The following FBXL16 variants were observed in gnomAD, a reference collection of about 807,000 sequenced individuals.
The protein encoded by FBXL16 is F-box/LRR-repeat protein 16.
In FBXL16, 7 loss-of-function variants were observed where a neutral mutation model predicts 36.7. The ratio of observed to expected loss-of-function variants is 0.19; its 90% confidence interval spans 0.11 to 0.36. The LOEUF (loss-of-function observed/expected upper bound fraction) is 0.36, where lower values mean the gene tolerates loss of function less well. Ranked by LOEUF, FBXL16 falls within the 10% of genes least tolerant of loss-of-function variation. The probability of loss-of-function intolerance (pLI) is 1.00; values close to 1 mark genes in which losing one functional copy is unlikely to be tolerated. For missense variants in FBXL16, 463 were observed against 659.4 expected, an observed-to-expected ratio of 0.70 and a Z score of 3.26; for synonymous variants, 355 against 308.7, an observed-to-expected ratio of 1.15 and a Z score of -1.57.
Position 695,552 on chromosome 16 carries a change from G to A in FBXL16, c.1005C>T (p.Asp335=). ...LSLSGCSKVT[D]DGVELVAENL... is the part of the protein sequence containing the mutation. ...TCTCGGCCACGAGCTCCACGCCGTC[G>A]TCGGTGACCTTGGAGCAGCCCGAGA... The change falls in exon 3 of 6, where the codon GAC becomes GAT. Residue 335 remains aspartate, a synonymous_variant. Transcript: ENST00000397621. The A allele has an allele frequency of 1.2e-6, 2 of 1,603,260 alleles. No individual in the cohort carries two copies. The highest frequency in any genetic ancestry group is 1.7e-6 in the Non-Finnish European group (2 of 1,178,944).
chr16:700,266 A>C (rs1596575314), intron 1 of FBXL16, among the ~76,000 whole-genome samples: 1 of 152,104 alleles, frequency 6.6e-6, no homozygotes, highest in African/African-American at 2.4e-5. Context: ...TAATGGCAGG[A>C]GCCCCAGCTC....
intron 1 of FBXL16, among the ~76,000 whole-genome samples, chr16:701,430 A>G (rs1415810863): frequency 6.6e-6 from 1 of 152,176 alleles, no homozygotes. Flanking sequence ...TGACTGACTC[A>G]GCCCGAATAT....
rs761630700 is a variant in FBXL16 at position 695,621 on chromosome 16, C to G, written c.936G>C (p.Val312=). Residue 312 remains valine, a synonymous_variant, in exon 3 of 6, where the codon GTG becomes GTC. Coordinates refer to ENST00000397621, the MANE Select transcript of FBXL16 (RefSeq NM_153350.4). ...LSCWEITNHG[V]VNVVHSLPNL... ...TGGGCAGGCTGTGCACCACGTTGACCACGCCGTGGTTGGTGATCTCCCAGC... is the reference window on the plus strand; with the variant it reads ...TGGGCAGGCTGTGCACCACGTTGACGACGCCGTGGTTGGTGATCTCCCAGC... 5.6e-6 allele frequency: 9 copies of G among 1,606,384 alleles called. No individual in the cohort carries two copies. In the East Asian group the frequency reaches 1.3e-4, roughly 24 times the overall value.
rs1567296531 is a variant in FBXL16 at position 692,919 on chromosome 16, C to T, written c.*1356G>A. ...TCTCTCTTTCTCTCTCTCTCTCACT[C>T]TCTTTCTCTCTCTCACTCTCTGGCT... On this transcript the variant is annotated 3_prime_UTR_variant, in exon 6 of 6. Coordinates refer to ENST00000397621, the MANE Select transcript of FBXL16 (RefSeq NM_153350.4). 1 of 152,276 alleles carries T rather than the reference C, an allele frequency of 6.6e-6. No individual in the cohort carries two copies. Among genetic ancestry groups the T allele is most frequent in the African/African-American group, 2.4e-5 (1 of 41,412 alleles). The allele number at this position is 152,276 out of a possible 1,614,324, so 9.4% of individuals were successfully genotyped here. A position where few individuals can be genotyped will look rare whatever the true frequency, so the allele number is the denominator to read the frequency against.
intron 1 of FBXL16, among the ~76,000 whole-genome samples, chr16:700,976 G>A (rs1206886961): frequency 1.3e-5 from 2 of 152,222 alleles, no homozygotes; most frequent in African/African-American, 2.4e-5. Flanking sequence ...GGCGGCGGGG[G>A]CGGCGCCAGG....
intron 3 of FBXL16, 144 bp downstream of exon 3, chr16:695,271 C>A: frequency 8.4e-7 from 1 of 1,190,208 alleles, no homozygotes; most frequent in African/African-American, 1.6e-5. Flanking sequence ...TCCCACTCCC[C>A]AGGCTCCGAG....
At position 694,305 on chromosome 16, in the gene FBXL16, C is replaced by T; in HGVS notation, c.1410G>A (p.Gln470=). 6.8e-7 allele frequency: 1 copy of T among 1,464,732 alleles called. No homozygotes were observed. The highest frequency in any genetic ancestry group is 9.0e-7 in the Non-Finnish European group (1 of 1,108,882). 90.7% of individuals were successfully genotyped at this position (1,464,732 alleles called of 1,614,324 possible). The change falls in exon 6 of 6, where the codon CAG becomes CAA. Residue 470 remains glutamine (Q), a synonymous_variant. Transcript: ENST00000397621. ...CAATGACGAGGCAGCGGGGCAGGTG[C>T]TGCGAGAAATACTTGAAGAGCTCGG... is the stretch of plus-strand genomic sequence containing the variant. The part of the protein sequence containing the change: ...ATPELFKYFS[Q]HLPRCLVIE
rs537895657 is a variant in FBXL16 at position 697,435 on chromosome 16, G to C, written c.-14-16C>G. On this transcript the variant is annotated splice_polypyrimidine_tract_variant and intron_variant, in intron 1 of 5. Transcript: ENST00000397621. This position sits in a 1 kb window ranked among gnomAD's most constrained non-coding sequence, Gnocchi z 4.6. ...CTGGCACGCTCTGTGGATGAGGGCC[G>C]GGAGGGGGAGTGAGTCTGTTGCTGA... 6.6e-7 allele frequency: 1 copy of C among 1,515,614 alleles called. No individual in the cohort carries two copies. Among genetic ancestry groups the C allele is most frequent in the Non-Finnish European group, 8.8e-7 (1 of 1,135,686 alleles). The allele number at this position is 1,515,614 out of a possible 1,614,324, so 93.9% of individuals were successfully genotyped here.
intron 1 of FBXL16, among the ~76,000 whole-genome samples, chr16:704,604 G>A (rs900724298): frequency 3.9e-5 from 6 of 152,226 alleles, no homozygotes; most frequent in Non-Finnish European, 8.8e-5. Context: ...CTGCTCCAAG[G>A]CTGCTGTCCA....
At chr16:704,161 G>T (rs1289659234) in intron 1 of FBXL16, among the ~76,000 whole-genome samples, 1 of 152,226 alleles carries the variant, frequency 6.6e-6, no homozygotes, top group African/African-American at 2.4e-5. Context: ...GTGCCACCTG[G>T]GTGGGAGATC....
At chr16:695,387 C>T in intron 3 of FBXL16, 28 bp downstream of exon 3, 1 of 1,488,498 alleles carries the variant, frequency 6.7e-7, no homozygotes, top group Non-Finnish European at 8.9e-7. Context: ...CGGCCCAGCC[C>T]CGCCCGGCGC....
At chr16:699,489 G>A (rs2040040454) in intron 1 of FBXL16, among the ~76,000 whole-genome samples, 1 of 152,172 alleles carries the variant, frequency 6.6e-6, no homozygotes. Context: ...TGTGGTCTTG[G>A]CAAGCCACTT....
chr16:694,187 C>G lies in FBXL16; in HGVS notation c.*88G>C, dbSNP rs983442978. ...CCGGGGGCGCGGGGGCTCCCCCGAG[C>G]GCAAGGCGGGAAGAGGGGGCTCGGC... On this transcript the variant is annotated 3_prime_UTR_variant, in exon 6 of 6. Coordinates refer to ENST00000397621, the MANE Select transcript of FBXL16 (RefSeq NM_153350.4). 26 of 990,508 alleles carry G rather than the reference C, an allele frequency of 2.6e-5. No homozygotes were observed. Among genetic ancestry groups the G allele is most frequent in the Non-Finnish European group, 3.3e-5 (25 of 766,834 alleles). 61.4% of individuals were successfully genotyped at this position (990,508 alleles called of 1,614,324 possible).
In FBXL16 at chr16:694,361, G is replaced by C. The variant is rs1317610561; in HGVS notation, c.1354C>G (p.Leu452Val). The C allele has an allele frequency of 2.0e-6, 3 of 1,535,272 alleles. No individual in the cohort carries two copies. The highest frequency in any genetic ancestry group is 2.6e-6 in the Non-Finnish European group (3 of 1,150,660). Residue 452 changes from leucine (L) to valine (V), a missense_variant, in exon 6 of 6, where the codon CTG becomes GTG. This residue lies in a region of FBXL16 where 134 missense variants were observed against 172.0 expected (regional missense o/e 0.78). Transcript: ENST00000397621. The stretch of plus-strand genomic sequence containing the variant: ...GCCCCGGGGCAGTTGGTCAGCTCCA[G>C]CTCCTCCAGCTCCTGCAGCTGCACC... The part of the protein sequence containing the change: ...GLVQLQELEE[L>V]ELTNCPGATP...
rs1486767070 is a variant in FBXL16 at position 697,241 on chromosome 16, G to C, written c.165C>G (p.Leu55=). The C allele has an allele frequency of 3.3e-6, 5 of 1,492,854 alleles. No homozygotes were observed. Among genetic ancestry groups the C allele is most frequent in the Admixed American group, 4.1e-5 (2 of 49,026 alleles). 92.5% of individuals were successfully genotyped at this position (1,492,854 alleles called of 1,614,324 possible). The change falls in exon 2 of 6, where the codon CTC becomes CTG. Residue 55 remains leucine (L), a synonymous_variant. Coordinates refer to ENST00000397621, the MANE Select transcript of FBXL16 (RefSeq NM_153350.4). The surrounding 1 kb of genome is among the most constrained non-coding windows in gnomAD (Gnocchi z 4.6). ...GTGGAGCAGCCAGGCTGGGTGGTGGGAGGGTGGGTGGGGGTGGTGGCTGGC... is the reference window on the plus strand; with the variant it reads ...GTGGAGCAGCCAGGCTGGGTGGTGGCAGGGTGGGTGGGGGTGGTGGCTGGC... ...RPCQPPPPPT[L]PPPSLAAPLS...
intron 1 of FBXL16, among the ~76,000 whole-genome samples, chr16:701,979 C>T (rs2040060610): frequency 1.3e-5 from 2 of 152,256 alleles, no homozygotes; most frequent in South Asian, 2.1e-4. Context: ...GGAGAGGTGG[C>T]CGTGGCCTCT....
In FBXL16 at chr16:697,476, G is replaced by T. The variant is rs1441032481; in HGVS notation, c.-14-57C>A. On this transcript the variant is annotated intron_variant, in intron 1 of 5. Transcript: ENST00000397621. This position sits in a 1 kb window ranked among gnomAD's most constrained non-coding sequence, Gnocchi z 4.6. ...CTGTTGCTGAGTCTGGAAGGCCGGG[G>T]TTGGGGGCGGGTGCAGTGGGGCTCC... 2.0e-6 allele frequency: 3 copies of T among 1,472,330 alleles called. No individual in the cohort carries two copies. Among genetic ancestry groups the T allele is most frequent in the Non-Finnish European group, 2.7e-6 (3 of 1,112,776 alleles). The allele number at this position is 1,472,330 out of a possible 1,614,324, so 91.2% of individuals were successfully genotyped here.
At chr16:695,275 C>G in intron 3 of FBXL16, 140 bp downstream of exon 3, 1 of 1,178,466 alleles carries the variant, frequency 8.5e-7, no homozygotes, top group Non-Finnish European at 1.1e-6. Flanking sequence ...ACTCCCCAGG[C>G]TCCGAGGGCT....
rs371798872 is a variant in FBXL16 at position 694,821 on chromosome 16, G to C, written c.1228-124C>G. On this transcript the variant is annotated intron_variant, in intron 4 of 5. Transcript: ENST00000397621. ...TCCTCCGTCCCCCCCGGAGCCGGGAGGCGGCTGGGAAGTGCTCGTGGGGGC... is the reference window on the plus strand; with the variant it reads ...TCCTCCGTCCCCCCCGGAGCCGGGACGCGGCTGGGAAGTGCTCGTGGGGGC... The C allele has an allele frequency of 1.9e-4, 244 of 1,314,248 alleles. 2 individuals carry two copies. In the South Asian group the frequency reaches 3.0e-3, roughly 16 times the overall value. The allele number at this position is 1,314,248 out of a possible 1,614,324, so 81.4% of individuals were successfully genotyped here. A position where few individuals can be genotyped will look rare whatever the true frequency, so the allele number is the denominator to read the frequency against.
Sources: gnomAD v4.1 joint callset for allele counts (sites outside exome capture counted in the v4.1 genomes callset) on GRCh38, gnomAD v4.1.1 for gene constraint, gnomAD v4.1.1 regional missense constraint, Gnocchi (gnomAD v3.1) non-coding constraint, MANE v1.5 for transcripts, NCBI Gene and HGNC (gene_info 2026-07-23, HGNC 2026-07-21) for gene names.